FEZ1: variants seen among roughly 807,000 people sequenced by gnomAD.
FEZ1 encodes the protein fasciculation and elongation protein zeta 1.
A neutral mutation model predicts 49.3 loss-of-function variants in FEZ1; 20 were observed. The observed-to-expected ratio is 0.41, with a 90% confidence interval of 0.29 to 0.59. The LOEUF (loss-of-function observed/expected upper bound fraction) is 0.59, where lower values mean the gene tolerates loss of function less well. FEZ1 is among the 20% of genes least tolerant of loss of function. FEZ1 has a pLI of 0.36. For missense variants in FEZ1, 413 were observed against 476.0 expected, an observed-to-expected ratio of 0.87 and a Z score of 1.23; for synonymous variants, 170 against 180.9, an observed-to-expected ratio of 0.94 and a Z score of 0.48.
At chr11:125,452,531 C>A (rs750692283) in intron 7 of FEZ1, 122 bp from the exon 8 acceptor site, 1 of 649,288 alleles carries the variant, frequency 1.5e-6, no homozygotes. Flanking sequence ...TTCATGGTCA[C>A]TGGTACGTCA....
intron 4 of FEZ1, among the ~76,000 whole-genome samples, chr11:125,462,623 T>A (rs1957087178): frequency 6.6e-6 from 1 of 152,132 alleles, no homozygotes; most frequent in Non-Finnish European, 1.5e-5. Flanking sequence ...ACCCCAACTA[T>A]CCCAAGTGTC....
intron 2 of FEZ1, among the ~76,000 whole-genome samples, chr11:125,485,838 C>T (rs1957321886): frequency 6.6e-6 from 1 of 151,542 alleles, no homozygotes; most frequent in Admixed American, 6.6e-5. Flanking sequence ...CCCAGCTACT[C>T]GGGAGGCTGA....
chr11:125,446,214 G>T, intron 9 of FEZ1, 103 bp from the exon 10 acceptor site: 1 of 1,060,824 alleles, frequency 9.4e-7, no homozygotes, highest in South Asian at 1.3e-5. Flanking sequence ...ACCAGCTCCT[G>T]AGTGGTGACA....
Position 125,495,107 on chromosome 11 carries a change from G to A in FEZ1, c.-46+1014C>T, listed in dbSNP as rs534707410. ...TTGCATATGGATCAGCAACCCCTTC[G>A]CGGTTCTGCTTGCTCCCCTCCCCCT... On this transcript the variant is annotated intron_variant, in intron 1 of 9. Transcript: ENST00000278919. The surrounding 1 kb of genome is among the most constrained non-coding windows in gnomAD (Gnocchi z 4.2). 2.9e-6 allele frequency: 1 copy of A among 342,632 alleles called. No individual in the cohort carries two copies. The highest frequency in any genetic ancestry group is 2.2e-5 in the South Asian group (1 of 44,916). The allele number at this position is 342,632 out of a possible 1,614,324, so 21.2% of individuals were successfully genotyped here.
At chr11:125,446,423 G>A (rs11601178) in intron 9 of FEZ1, among the ~76,000 whole-genome samples, 129 of 152,248 alleles carry the variant, frequency 8.5e-4, no homozygotes, top group Non-Finnish European at 1.4e-3. Context: ...CGCCTACCCC[G>A]CAGGGTTGTT....
At chr11:125,492,736 A>T (rs1409036775) in intron 1 of FEZ1, among the ~76,000 whole-genome samples, 1 of 152,218 alleles carries the variant, frequency 6.6e-6, no homozygotes, top group East Asian at 1.9e-4. Context: ...TTTTTGGACT[A>T]AATGAGATCA....
In FEZ1 at chr11:125,493,479, AAG is replaced by A. The variant is rs1287775826; in HGVS notation, c.-46+2640_-46+2641del. ...GAAGGAAAGAAGGAAAGAAGGAAAG[AAG>A]GAAAGAAGGAAAGAAAGAAAGAAAG... On this transcript the variant is annotated intron_variant, in intron 1 of 9. Transcript: ENST00000278919. Among the ~76,000 whole-genome samples, 627 of 74,760 alleles carry A rather than the reference AAG, an allele frequency of 8.4e-3. 25 individuals are homozygous for A. Among genetic ancestry groups the A allele is most frequent in the African/African-American group, 0.021 (312 of 14,608 alleles). 49.0% of individuals were successfully genotyped at this position (74,760 alleles called of 152,430 possible).
chr11:125,462,957 G>T (rs556432910), intron 4 of FEZ1, among the ~76,000 whole-genome samples: 7 of 150,186 alleles, frequency 4.7e-5, no homozygotes, highest in Non-Finnish European at 4.4e-5. Flanking sequence ...CCCTGATTTT[G>T]CCACTGCACT....
chr11:125,490,254 T>C (rs1336048369), intron 1 of FEZ1, among the ~76,000 whole-genome samples: 3 of 152,246 alleles, frequency 2.0e-5, no homozygotes, highest in African/African-American at 7.2e-5. Context: ...CTGAAAATTC[T>C]CCATGACTTG....
chr11:125,474,879 C>T (rs542625844), intron 3 of FEZ1, among the ~76,000 whole-genome samples: 8 of 152,088 alleles, frequency 5.3e-5, no homozygotes, highest in African/African-American at 1.4e-4. Context: ...CAGAGCAAGA[C>T]TCCAACTCAA....
At position 125,493,436 on chromosome 11, in the gene FEZ1, A is replaced by G. The variant is rs540996651; in HGVS notation, c.-46+2685T>C. ...AAAGAAAGAAAGAAGGAAAGAAGGAAAGAAGGAAAGAAGGAAAGAAGGAAA... is the reference window on the plus strand; with the variant it reads ...AAAGAAAGAAAGAAGGAAAGAAGGAGAGAAGGAAAGAAGGAAAGAAGGAAA... On this transcript the variant is annotated intron_variant, in intron 1 of 9. Transcript: ENST00000278919. Among the ~76,000 whole-genome samples, 51 of 40,600 alleles carry G rather than the reference A, an allele frequency of 1.3e-3. 3 individuals are homozygous for G. Among genetic ancestry groups the G allele is most frequent in the African/African-American group, 0.011 (47 of 4,400 alleles). The allele number at this position is 40,600 out of a possible 152,430, so 26.6% of individuals were successfully genotyped here.
chr11:125,451,300 T>C (rs1956952825), intron 8 of FEZ1: 1 of 152,228 alleles, frequency 6.6e-6, no homozygotes, highest in Admixed American at 6.5e-5. Context: ...AATTCCTGAT[T>C]CTCAAGGACA....
intron 3 of FEZ1, among the ~76,000 whole-genome samples, chr11:125,466,505 G>C (rs1253335697): frequency 6.6e-6 from 1 of 151,890 alleles, no homozygotes; most frequent in Non-Finnish European, 1.5e-5. Flanking sequence ...AAAACACCTT[G>C]CTAGCTGTTT....
In FEZ1 at chr11:125,459,768, T is replaced by C. The variant is rs374572296; in HGVS notation, c.667+730A>G. On this transcript the variant is annotated intron_variant, in intron 5 of 9. Transcript: ENST00000278919. Reference sequence around the variant, plus strand: ...CTCGGTTAGCTTGATCCAAATGGGGTTGGTGTGAAGATGAAATGAGATTAG... The same window carrying C: ...CTCGGTTAGCTTGATCCAAATGGGGCTGGTGTGAAGATGAAATGAGATTAG... Among the ~76,000 whole-genome samples, 72 of 151,932 alleles carry C rather than the reference T, an allele frequency of 4.7e-4. 1 individual carries two copies. In the South Asian group the frequency reaches 9.6e-3, roughly 20 times the overall value.
At position 125,495,786 on chromosome 11, in the gene FEZ1, G is replaced by GCACACACACGCGGACA; in HGVS notation, c.-46+319_-46+334dup. The GCACACACACGCGGACA allele has an allele frequency of 2.9e-6, 1 of 341,534 alleles. No individual in the cohort carries two copies. Among genetic ancestry groups the GCACACACACGCGGACA allele is most frequent in the Non-Finnish European group, 5.6e-6 (1 of 177,372 alleles). 21.2% of individuals were successfully genotyped at this position (341,534 alleles called of 1,614,324 possible). ...CCTTCACACGCGCGCACACACGCGG[G>GCACACACACGCGGACA]CACACACACGCGGACACACACACAC... On this transcript the variant is annotated intron_variant, in intron 1 of 9. Transcript: ENST00000278919. This position sits in a 1 kb window ranked among gnomAD's most constrained non-coding sequence, Gnocchi z 4.2.
At chr11:125,464,191 C>G (rs1389571397) in intron 3 of FEZ1, among the ~76,000 whole-genome samples, 1 of 152,150 alleles carries the variant, frequency 6.6e-6, no homozygotes, top group Non-Finnish European at 1.5e-5. Flanking sequence ...AAAAGAGAAC[C>G]CCATTTATCT....
At chr11:125,496,068 C>G (rs1957467293) in intron 1 of FEZ1, 53 bp downstream of exon 1, 1 of 157,862 alleles carries the variant, frequency 6.3e-6, no homozygotes, top group Admixed American at 6.5e-5. Flanking sequence ...CCACCAGACC[C>G]CACCCCCAGC....
chr11:125,493,756 C>T (rs924579362), intron 1 of FEZ1, among the ~76,000 whole-genome samples: 6 of 152,178 alleles, frequency 3.9e-5, no homozygotes, highest in African/African-American at 1.4e-4. Context: ...GAAAGCCAAT[C>T]CGATAGTGTT....
At chr11:125,476,692 C>A (rs1957236730) in intron 3 of FEZ1, among the ~76,000 whole-genome samples, 1 of 152,062 alleles carries the variant, frequency 6.6e-6, no homozygotes, top group Non-Finnish European at 1.5e-5. Flanking sequence ...ACAGAGTCAG[C>A]CTAAAAAGAA....
Sources: gnomAD v4.1 joint callset for allele counts (sites outside exome capture counted in the v4.1 genomes callset) on GRCh38, gnomAD v4.1.1 for gene constraint, Gnocchi (gnomAD v3.1) non-coding constraint, MANE v1.5 for transcripts, NCBI Gene and HGNC (gene_info 2026-07-23, HGNC 2026-07-21) for gene names.